Variants in PRKCZ observed in about 807,000 individuals in gnomAD.
The protein encoded by PRKCZ is protein kinase C zeta type.
Under a neutral mutation model 79.5 loss-of-function variants are expected in PRKCZ, and 33 were observed. That is an observed-to-expected ratio of 0.41 (90% CI 0.31 to 0.55). The LOEUF is 0.55. PRKCZ is among the 20% of genes least tolerant of loss of function. PRKCZ has a pLI of 0.19. For synonymous variants in PRKCZ, 342 were observed against 320.9 expected (o/e 1.07, Z -0.70); for missense variants, 578 against 813.5 (o/e 0.71, Z 3.52).
At position 2,174,960 on chromosome 1, in the gene PRKCZ, C is replaced by A; in HGVS notation, c.1485+127C>A. On this transcript the variant is annotated intron_variant, in intron 15 of 17. Coordinates refer to ENST00000378567, the MANE Select transcript of PRKCZ (RefSeq NM_002744.6). This position sits in a 1 kb window ranked among gnomAD's most constrained non-coding sequence, Gnocchi z 6.2. ...TGTATCGGGTGTGTGGGTTGATTTT[C>A]CGCTTCAGTATTTGAGCTCTGTGTT... 1 of 1,004,444 alleles carries A rather than the reference C, an allele frequency of 1.0e-6. No homozygotes were observed. Among genetic ancestry groups the A allele is most frequent in the Non-Finnish European group, 1.5e-6 (1 of 663,518 alleles). The allele number at this position is 1,004,444 out of a possible 1,614,324, so 62.2% of individuals were successfully genotyped here.
At chr1:2,162,407 C>T (rs1385629275) in intron 10 of PRKCZ, among the ~76,000 whole-genome samples, 1 of 152,228 alleles carries the variant, frequency 6.6e-6, no homozygotes, top group African/African-American at 2.4e-5. Context: ...GCTGGGATTA[C>T]AGGTGTAAGC....
chr1:2,123,306 C>T (rs201573983), intron 4 of PRKCZ, among the ~76,000 whole-genome samples: 2 of 4,882 alleles, frequency 4.1e-4, no homozygotes, highest in Non-Finnish European at 6.5e-4. Flanking sequence ...GTTAGGGTCA[C>T]GGTGGTGGTT....
rs1351886316 is a variant in PRKCZ, at chr1:2,150,970, G to A, written c.868G>A (p.Asp290Asn). 12 of 1,613,628 alleles carry A rather than the reference G, an allele frequency of 7.4e-6. No homozygotes were observed. Among genetic ancestry groups the A allele is most frequent in the Non-Finnish European group, 1.0e-5 (12 of 1,180,006 alleles). ...AGTGGTGAAGAAAGAGCTGGTGCAT[G>A]ATGACGAGGTAGGTGCCGCTTCTCA... ...MKVVKKELVH[D>N]DEDIDWVQTE... Residue 290 changes from aspartate to asparagine, a missense_variant, in exon 9 of 18, where the codon GAT (aspartate) becomes AAT (asparagine). By Grantham distance (23) the Asp-to-Asn change is conservative. This residue lies in a region of PRKCZ where 243 missense variants were observed against 467.0 expected (regional missense o/e 0.52). Coordinates refer to ENST00000378567, the MANE Select transcript of PRKCZ (RefSeq NM_002744.6).
intron 5 of PRKCZ, among the ~76,000 whole-genome samples, chr1:2,136,952 A>C (rs1300824651): frequency 6.6e-6 from 1 of 152,172 alleles, no homozygotes; most frequent in Non-Finnish European, 1.5e-5. Context: ...TGTACATGAA[A>C]GGGAGTTGAT....
At chr1:2,102,483 C>T (rs992770208) in intron 4 of PRKCZ, among the ~76,000 whole-genome samples, 1 of 151,926 alleles carries the variant, frequency 6.6e-6, no homozygotes, top group Non-Finnish European at 1.5e-5. Flanking sequence ...CAGGCGCCCA[C>T]CACCACGTCC....
At chr1:2,155,150 G>T (rs987631476) in intron 9 of PRKCZ, among the ~76,000 whole-genome samples, 2 of 152,120 alleles carry the variant, frequency 1.3e-5, no homozygotes, top group Non-Finnish European at 2.9e-5. Flanking sequence ...GGTGATGATG[G>T]TGATGATGGT....
chr1:2,181,699 G>A (rs984344252), intron 16 of PRKCZ: 6 of 389,200 alleles, frequency 1.5e-5, no homozygotes, highest in Admixed American at 9.1e-5. Flanking sequence ...GGGGCTGGAG[G>A]ACCCTGGGCC....
intron 4 of PRKCZ, among the ~76,000 whole-genome samples, chr1:2,062,582 C>T (rs568572465): frequency 4.6e-5 from 7 of 151,102 alleles, no homozygotes; most frequent in Admixed American, 2.0e-4. Context: ...CTCTGCCTCT[C>T]AGGCTCAAGC....
rs1687287783 is a variant in PRKCZ, at chr1:2,184,678, G to C, written c.1671G>C (p.Val557=). The C allele has an allele frequency of 6.2e-7, 1 of 1,613,560 alleles. No individual in the cohort carries two copies. Among genetic ancestry groups the C allele is most frequent in the Non-Finnish European group, 8.5e-7 (1 of 1,179,834 alleles). The change falls in exon 17 of 18, where the codon GTG becomes GTC. Residue 557 remains valine, a synonymous_variant. Transcript: ENST00000378567. ...ACACACAGTTCACCAGCGAGCCCGT[G>C]CAGCTGACCCCAGACGATGAGTGAG... ...NFDTQFTSEP[V]QLTPDDEDAI...
At chr1:2,088,082 G>A (rs779215625) in intron 4 of PRKCZ, among the ~76,000 whole-genome samples, 2 of 152,204 alleles carry the variant, frequency 1.3e-5, no homozygotes, top group Non-Finnish European at 2.9e-5. Flanking sequence ...TGGGGGCCTC[G>A]GGCTCGGATG....
chr1:2,101,456 G>A lies in PRKCZ; in HGVS notation c.335-33806G>A, dbSNP rs571621127. Among the ~76,000 whole-genome samples the A allele has an allele frequency of 5.3e-5, 8 of 152,252 alleles. 1 individual carries two copies. Among genetic ancestry groups the A allele is most frequent in the Admixed American group, 2.6e-4 (4 of 15,294 alleles). On this transcript the variant is annotated intron_variant, in intron 4 of 17. Transcript: ENST00000378567. ...AGACTCCAGGGACAACCCCTGGTGC[G>A]AGACATCCTGTTGCTGATTTACTTG...
intron 5 of PRKCZ, among the ~76,000 whole-genome samples, chr1:2,136,312 C>T (rs1164456943): frequency 1.3e-5 from 2 of 152,186 alleles, no homozygotes; most frequent in Admixed American, 6.5e-5. Flanking sequence ...TCCCATTCCT[C>T]TTGGGGCTAA....
rs1006016953 is a variant in PRKCZ, at chr1:2,175,727, G to T, written c.1575+414G>T. On this transcript the variant is annotated intron_variant, in intron 16 of 17. Transcript: ENST00000378567. The stretch of plus-strand genomic sequence containing the variant: ...CCAGAAGGGTCAGCTGGGAATGGGG[G>T]ACCACCCTCCAGGGCCCCGAGGAGG... Among the ~76,000 whole-genome samples the T allele has an allele frequency of 2.6e-5, 4 of 152,032 alleles. No homozygotes were observed. The East Asian group carries it at 7.8e-4, about 30-fold the overall frequency.
intron 16 of PRKCZ, among the ~76,000 whole-genome samples, chr1:2,183,306 G>A (rs1687004672): frequency 6.6e-6 from 1 of 151,950 alleles, no homozygotes; most frequent in Non-Finnish European, 1.5e-5. Flanking sequence ...TGAGGCAGGA[G>A]AATAGCTTGA....
intron 7 of PRKCZ, 38 bp downstream of exon 7, chr1:2,146,146 C>G: frequency 6.4e-7 from 1 of 1,560,062 alleles, no homozygotes; most frequent in Non-Finnish European, 8.8e-7. Context: ...AGAGCCTGGG[C>G]ATCACCTCAC....
chr1:2,184,566 C>G lies in PRKCZ; in HGVS notation c.1576-17C>G. 1 of 1,608,350 alleles carries G rather than the reference C, an allele frequency of 6.2e-7. No homozygotes were observed. The highest frequency in any genetic ancestry group is 1.1e-5 in the South Asian group (1 of 90,708). ...ATGCCCGCGCGGAGCTGACCCTTCTCCTATTGTTTTTCCAAGCTGGAGAAG... is the reference window on the plus strand; with the variant it reads ...ATGCCCGCGCGGAGCTGACCCTTCTGCTATTGTTTTTCCAAGCTGGAGAAG... On this transcript the variant is annotated splice_polypyrimidine_tract_variant and intron_variant, in intron 16 of 17. Transcript: ENST00000378567.
In PRKCZ at chr1:2,082,421, AG is replaced by A; in HGVS notation, c.334+22831del. 2.2e-6 allele frequency: 1 copy of A among 456,316 alleles called. No homozygotes were observed. The highest frequency in any genetic ancestry group is 3.3e-4 in the Middle Eastern group (1 of 3,076). The allele number at this position is 456,316 out of a possible 1,614,324, so 28.3% of individuals were successfully genotyped here. A position where few individuals can be genotyped will look rare whatever the true frequency, so the allele number is the denominator to read the frequency against. On this transcript the variant is annotated intron_variant, in intron 4 of 17. Transcript: ENST00000378567. The surrounding 1 kb of genome is among the most constrained non-coding windows in gnomAD (Gnocchi z 4.4). ...TGTTTATTTATTTATCTTGGCCAGC[AG>A]AGAGAATTGAGTTTGCATGGAGACT...
In PRKCZ at chr1:2,169,460, C is replaced by A. The variant is rs138662331; in HGVS notation, c.975-58C>A. 6.1e-6 allele frequency: 9 copies of A among 1,472,412 alleles called. No individual in the cohort carries two copies. In the South Asian group the frequency reaches 1.1e-4, roughly 18 times the overall value. The allele number at this position is 1,472,412 out of a possible 1,614,324, so 91.2% of individuals were successfully genotyped here. ...AAGGCCGCTTCTGTGGGGCTTCTGTCTAAGGAGGCCGCCGTCTGCCGAGGT... is the reference window on the plus strand; with the variant it reads ...AAGGCCGCTTCTGTGGGGCTTCTGTATAAGGAGGCCGCCGTCTGCCGAGGT... On this transcript the variant is annotated intron_variant, in intron 10 of 17. Transcript: ENST00000378567.
chr1:2,126,172 C>A (rs1263503628), intron 4 of PRKCZ, among the ~76,000 whole-genome samples: 1 of 152,178 alleles, frequency 6.6e-6, no homozygotes, highest in East Asian at 1.9e-4. Context: ...CACCAGAGAC[C>A]CGGATGCCAA....
Sources: gnomAD v4.1 joint callset for allele counts (sites outside exome capture counted in the v4.1 genomes callset) on GRCh38, gnomAD v4.1.1 for gene constraint, gnomAD v4.1.1 regional missense constraint, Gnocchi (gnomAD v3.1) non-coding constraint, MANE v1.5 for transcripts, NCBI Gene and HGNC (gene_info 2026-07-23, HGNC 2026-07-21) for gene names.